Variants in SCNN1B observed in about 807,000 individuals in gnomAD.
SCNN1B encodes epithelial sodium channel subunit beta.
A neutral mutation model predicts 65.3 loss-of-function variants in SCNN1B; 46 were observed. That is an observed-to-expected ratio of 0.70 (90% CI 0.56 to 0.90). The LOEUF (loss-of-function observed/expected upper bound fraction) is 0.90, where lower values mean the gene tolerates loss of function less well. SCNN1B is among the 40% of genes least tolerant of loss of function. The pLI, the probability that SCNN1B is intolerant of heterozygous loss-of-function variation, is 0.00. For synonymous variants in SCNN1B, 349 were observed against 330.6 expected (o/e 1.06, Z -0.60); for missense variants, 751 against 830.5 (o/e 0.90, Z 1.18).
chr16:23,322,297 A>C (rs1961605074), intron 1 of SCNN1B, among the ~76,000 whole-genome samples: 1 of 151,402 alleles, frequency 6.6e-6, no homozygotes, highest in South Asian at 2.1e-4. Flanking sequence ...AGCAATTTAA[A>C]ATTTTTTTCA....
intron 11 of SCNN1B, 112 bp downstream of exon 11, chr16:23,378,879 C>T (rs1473304686): frequency 2.7e-5 from 28 of 1,041,792 alleles, no homozygotes; most frequent in Admixed American, 3.8e-5. Context: ...TGGGTCAGAC[C>T]GAGGAGCAAG....
chr16:23,300,647 G>T (rs1378080734), upstream of SCNN1B, among the ~76,000 whole-genome samples: 1 of 152,008 alleles, frequency 6.6e-6, no homozygotes, highest in Non-Finnish European at 1.5e-5. Flanking sequence ...ACCAGCTTGG[G>T]TAACACAGCA....
intron 1 of SCNN1B, among the ~76,000 whole-genome samples, chr16:23,279,075 GTGT>G (rs386789802): frequency 1.0e-4 from 12 of 115,604 alleles, no homozygotes; most frequent in African/African-American, 3.3e-4. Context: ...TGTGTGTGGG[GTGT>G]GTGTGTGTGT....
At chr16:23,293,873 A>G (rs1960960531) in intron 2 of SCNN1B, among the ~76,000 whole-genome samples, 1 of 152,100 alleles carries the variant, frequency 6.6e-6, no homozygotes, top group Admixed American at 6.5e-5. Flanking sequence ...GCAGTGAGCC[A>G]TGATCTTGCC....
intron 10 of SCNN1B, 57 bp downstream of exon 10, chr16:23,377,443 G>C (rs1423540416): frequency 6.4e-7 from 1 of 1,561,772 alleles, no homozygotes; most frequent in Non-Finnish European, 8.8e-7. Flanking sequence ...GACAAGTCTG[G>C]GCATAAGATG....
At chr16:23,290,438 G>A (rs879665060) in intron 2 of SCNN1B, among the ~76,000 whole-genome samples, 4 of 152,136 alleles carry the variant, frequency 2.6e-5, no homozygotes, top group Admixed American at 6.5e-5. Flanking sequence ...CTCCCGAGTA[G>A]CTGGGACTAC....
At position 23,290,696 on chromosome 16, in the gene SCNN1B, T is replaced by TA. The variant is rs200204536; in HGVS notation, n.178+6900dup. Among the ~76,000 whole-genome samples the TA allele has an allele frequency of 6.4e-3, 979 of 152,162 alleles. 14 individuals carry two copies. Among genetic ancestry groups the TA allele is most frequent in the African/African-American group, 0.022 (903 of 41,504 alleles). ...TACGTGTAAAAAATTTAATTTTAATTAAAAAAAATTAGACTTTCTGGCTCG... is the reference window on the plus strand; with the variant it reads ...TACGTGTAAAAAATTTAATTTTAATTAAAAAAAAATTAGACTTTCTGGCTCG... On this transcript the variant is annotated intron_variant and non_coding_transcript_variant, in intron 2 of 3. Coordinates refer to the SCNN1B transcript ENST00000569789.
chr16:23,366,549 C>G (rs1962673686), intron 4 of SCNN1B, among the ~76,000 whole-genome samples: 1 of 152,062 alleles, frequency 6.6e-6, no homozygotes, highest in Non-Finnish European at 1.5e-5. Flanking sequence ...GCCTGGCCAA[C>G]ATGATGAAAC....
At chr16:23,328,042 A>G (rs1026773411) in intron 1 of SCNN1B, among the ~76,000 whole-genome samples, 1 of 152,218 alleles carries the variant, frequency 6.6e-6, no homozygotes, top group African/African-American at 2.4e-5. Context: ...GCCGCCAAGC[A>G]TGGCAGCTGG....
chr16:23,286,976 T>TTGTTGTTGC (rs1029497259), intron 2 of SCNN1B, among the ~76,000 whole-genome samples: 2 of 151,016 alleles, frequency 1.3e-5, no homozygotes, highest in Non-Finnish European at 2.9e-5. Flanking sequence ...GTTGATGTTG[T>TTGTTGTTGC]TGTTGTTGCT....
At chr16:23,281,172 C>A (rs1960778504) in intron 1 of SCNN1B, among the ~76,000 whole-genome samples, 1 of 152,158 alleles carries the variant, frequency 6.6e-6, no homozygotes, top group South Asian at 2.1e-4. Context: ...GTGGCCCACA[C>A]CTGTAATCCC....
At chr16:23,375,134 C>T (rs576473053) in intron 7 of SCNN1B, among the ~76,000 whole-genome samples, 111 of 152,260 alleles carry the variant, frequency 7.3e-4, no homozygotes, top group African/African-American at 2.5e-3. Flanking sequence ...AGACTCATCA[C>T]GTCCAGCCTC....
chr16:23,381,020 T>C lies in SCNN1B; in HGVS notation c.*219T>C. On this transcript the variant is annotated 3_prime_UTR_variant, in exon 13 of 13. Transcript: ENST00000343070. ...GTACAGGATGCAGGAATAAATTGTA[T>C]CTTCACCTGGTTCCTACCCTCGTCC... 1.6e-6 allele frequency: 1 copy of C among 623,038 alleles called. No homozygotes were observed. The highest frequency in any genetic ancestry group is 2.5e-5 in the Admixed American group (1 of 39,254). 38.6% of individuals were successfully genotyped at this position (623,038 alleles called of 1,614,324 possible).
chr16:23,379,622 G>A (rs1237710192), intron 11 of SCNN1B, among the ~76,000 whole-genome samples: 4 of 152,338 alleles, frequency 2.6e-5, no homozygotes, highest in Middle Eastern at 3.4e-3. Context: ...TGTCCCAGGT[G>A]CAGTGAAGGC....
chr16:23,342,509 AT>A (rs376227858), intron 1 of SCNN1B, among the ~76,000 whole-genome samples: 5 of 152,116 alleles, frequency 3.3e-5, no homozygotes, highest in African/African-American at 1.2e-4. Flanking sequence ...ACCCTCCCAA[AT>A]TGCTGGAATT....
chr16:23,324,015 T>C (rs1460919976), intron 1 of SCNN1B, among the ~76,000 whole-genome samples: 2 of 152,058 alleles, frequency 1.3e-5, no homozygotes, highest in South Asian at 4.1e-4. Context: ...ATTTTAACCC[T>C]CACTGAAAAC....
intron 8 of SCNN1B, 147 bp from the exon 9 acceptor site, chr16:23,377,018 G>A (rs1962912544): frequency 2.7e-6 from 2 of 743,814 alleles, no homozygotes; most frequent in Non-Finnish European, 4.7e-6. Flanking sequence ...GGGCTGGGTG[G>A]GGAGCGGTGA....
chr16:23,279,846 C>T (rs963315670), intron 1 of SCNN1B, among the ~76,000 whole-genome samples: 11 of 152,124 alleles, frequency 7.2e-5, no homozygotes, highest in Non-Finnish European at 1.5e-5. Context: ...TGCAGAGCTC[C>T]GAGCTCTCTC....
At chr16:23,379,379 C>T (rs754903095) in intron 11 of SCNN1B, among the ~76,000 whole-genome samples, 2 of 152,128 alleles carry the variant, frequency 1.3e-5, no homozygotes, top group African/African-American at 2.4e-5. Context: ...TCTGTACAAG[C>T]CCCCTACTCT....
Sources: allele counts gnomAD v4.1 joint callset (sites outside exome capture counted in the v4.1 genomes callset), GRCh38; gene constraint gnomAD v4.1.1; transcripts MANE v1.5; gene names NCBI Gene and HGNC (gene_info 2026-07-23, HGNC 2026-07-21).